Variants in FGFR3 observed in about 807,000 individuals in gnomAD.
The protein encoded by FGFR3 is FGFR-3.
FGFR3 carries 25 observed loss-of-function variants against 82.9 expected under a neutral mutation model. That is an observed-to-expected ratio of 0.30 (90% CI 0.22 to 0.42). FGFR3 has a LOEUF of 0.42. Ranked by LOEUF, FGFR3 falls within the 10% of genes least tolerant of loss-of-function variation. The pLI is 1.00. For missense variants in FGFR3, 1,026 were observed against 1,161.0 expected (o/e 0.88, Z 1.69); for synonymous variants, 620 against 516.0 (o/e 1.20, Z -2.73).
chr4:1,794,050 A>AGTC lies in FGFR3; in HGVS notation c.109+8_109+9insTCG. 7.2e-7 allele frequency: 1 copy of AGTC among 1,382,412 alleles called. No individual in the cohort carries two copies. Among genetic ancestry groups the AGTC allele is most frequent in the Non-Finnish European group, 9.5e-7 (1 of 1,052,478 alleles). The allele number at this position is 1,382,412 out of a possible 1,614,324, so 85.6% of individuals were successfully genotyped here. A position where few individuals can be genotyped will look rare whatever the true frequency, so the allele number is the denominator to read the frequency against. On this transcript the variant is annotated splice_region_variant and intron_variant, in intron 2 of 17. Coordinates refer to ENST00000440486, the MANE Select transcript of FGFR3 (RefSeq NM_000142.5). ...GTCGTGGGGCGAGCGGCAGGTAAGA[A>AGTC]GGGACCCACTAGGCACGGGAGAGGC... is the stretch of plus-strand genomic sequence containing the variant.
In FGFR3 at chr4:1,801,995, G is replaced by A. The variant is rs143723106; in HGVS notation, c.900G>A (p.Pro300=). Residue 300 remains proline, a synonymous_variant, in exon 7 of 18, where the codon CCG becomes CCA. Transcript: ENST00000440486. ...HVEVNGSKVG[P]DGTPYVTVLK... ...AGGTGAATGGCAGCAAGGTGGGCCC[G>A]GACGGCACACCCTACGTTACCGTGC... 23 of 1,612,464 alleles carry A rather than the reference G, an allele frequency of 1.4e-5. No individual in the cohort carries two copies. Among genetic ancestry groups the A allele is most frequent in the African/African-American group, 5.3e-5 (4 of 74,914 alleles).
chr4:1,805,333 G>T, intron 10 of FGFR3, 22 bp from the exon 11 acceptor site: 2 of 1,609,780 alleles, frequency 1.2e-6, no homozygotes, highest in South Asian at 1.1e-5. Context: ...CACACTCATG[G>T]TCCCTCTGCC....
In FGFR3 at chr4:1,807,782, C is replaced by T. The variant is rs144268232; in HGVS notation, c.*520C>T. On this transcript the variant is annotated 3_prime_UTR_variant, in exon 18 of 18. Coordinates refer to ENST00000440486, the MANE Select transcript of FGFR3 (RefSeq NM_000142.5). ...CAGGCTTTCCCACTTCCCACCCTGC[C>T]CCTCAGAGACTGAAATTACGGGTAC... 94 of 528,842 alleles carry T rather than the reference C, an allele frequency of 1.8e-4. 1 individual carries two copies. In the East Asian group the frequency reaches 2.8e-3, roughly 16 times the overall value. The allele number at this position is 528,842 out of a possible 1,614,324, so 32.8% of individuals were successfully genotyped here. A position where few individuals can be genotyped will look rare whatever the true frequency, so the allele number is the denominator to read the frequency against.
Position 1,808,258 on chromosome 4 carries a change from C to T in FGFR3, c.*996C>T, listed in dbSNP as rs1722219554. On this transcript the variant is annotated 3_prime_UTR_variant, in exon 18 of 18. Transcript: ENST00000440486. ...TAGAGGGACGGCCAAGAATGTACGTCCAGCCTGCCCCGGAGCTGGAGGATC... is the reference window on the plus strand; with the variant it reads ...TAGAGGGACGGCCAAGAATGTACGTTCAGCCTGCCCCGGAGCTGGAGGATC... 1 of 232,672 alleles carries T rather than the reference C, an allele frequency of 4.3e-6. No individual in the cohort carries two copies. Among genetic ancestry groups the T allele is most frequent in the Non-Finnish European group, 8.5e-6 (1 of 117,704 alleles). The allele number at this position is 232,672 out of a possible 1,614,324, so 14.4% of individuals were successfully genotyped here.
chr4:1,794,130 C>A, intron 2 of FGFR3, 87 bp downstream of exon 2: 2 of 723,228 alleles, frequency 2.8e-6, no homozygotes, highest in Non-Finnish European at 3.9e-6. Flanking sequence ...GTCGGAGGGG[C>A]CGCCGGGTGT....
Position 1,805,453 on chromosome 4 carries a change from C to T in FGFR3, c.1511C>T (p.Thr504Ile), listed in dbSNP as rs1319246268. Residue 504 changes from threonine (T) to isoleucine (I), a missense_variant, in exon 11 of 18, where the codon ACC (threonine) becomes ATC (isoleucine). Physicochemically the swap from Thr to Ile is moderately conservative, Grantham distance 89 (BLOSUM62 -1). Transcript: ENST00000440486. ...AAGGACCGGGCCGCCAAGCCTGTCA[C>T]CGTAGCCGTGAAGATGCTGAAAGGT... ...IDKDRAAKPV[T>I]VAVKMLKDDA... The T allele has an allele frequency of 1.9e-6, 3 of 1,612,116 alleles. 1 individual carries two copies. The highest frequency in any genetic ancestry group is 2.2e-5 in the South Asian group (2 of 91,030).
rs1416900035 is a variant in FGFR3, at chr4:1,805,495, G to T, written c.1534+19G>T. 3 of 1,612,088 alleles carry T rather than the reference G, an allele frequency of 1.9e-6. No homozygotes were observed. In the Admixed American group the frequency reaches 5.0e-5, roughly 27 times the overall value. On this transcript the variant is annotated intron_variant, in intron 11 of 17. Coordinates refer to ENST00000440486, the MANE Select transcript of FGFR3 (RefSeq NM_000142.5). Reference sequence around the variant, plus strand: ...CTGAAAGGTGAGGAGGGGGCGGCCAGGGGTGCAGAGCAGGGCTGGGGGCGC... The same window carrying T: ...CTGAAAGGTGAGGAGGGGGCGGCCATGGGTGCAGAGCAGGGCTGGGGGCGC...
At position 1,799,388 on chromosome 4, in the gene FGFR3, G is replaced by A. The variant is rs1365111379; in HGVS notation, c.244G>A (p.Val82Met). Residue 82 changes from valine to methionine, a missense_variant, in exon 3 of 18, where the codon GTG becomes ATG. By Grantham distance (21) the Val-to-Met change is conservative. This residue lies in a region of FGFR3 where 226 missense variants were observed against 222.0 expected (regional missense o/e 1.02). Coordinates refer to ENST00000440486, the MANE Select transcript of FGFR3 (RefSeq NM_000142.5). ...CTGGGTCAAGGATGGCACAGGGCTGGTGCCCTCGGAGCGTGTCCTGGTGGG... is the reference window on the plus strand; with the variant it reads ...CTGGGTCAAGGATGGCACAGGGCTGATGCCCTCGGAGCGTGTCCTGGTGGG... ...TVWVKDGTGLVPSERVLVGPQ... is the reference protein window; with the variant it reads ...TVWVKDGTGLMPSERVLVGPQ... 1 of 1,612,510 alleles carries A rather than the reference G, an allele frequency of 6.2e-7. No homozygotes were observed. Among genetic ancestry groups the A allele is most frequent in the South Asian group, 1.1e-5 (1 of 91,076 alleles).
rs1400035225 is a variant in FGFR3 at position 1,808,207 on chromosome 4, A to C, written c.*945A>C. ...GAGAGTTTTAATTTTTAACTTATTGACAACCGAGAAGGTTTATCCCGCCGA... is the reference window on the plus strand; with the variant it reads ...GAGAGTTTTAATTTTTAACTTATTGCCAACCGAGAAGGTTTATCCCGCCGA... On this transcript the variant is annotated 3_prime_UTR_variant, in exon 18 of 18. Coordinates refer to ENST00000440486, the MANE Select transcript of FGFR3 (RefSeq NM_000142.5). 2 of 232,700 alleles carry C rather than the reference A, an allele frequency of 8.6e-6. No homozygotes were observed. Among genetic ancestry groups the C allele is most frequent in the African/African-American group, 4.4e-5 (2 of 45,284 alleles). The allele number at this position is 232,700 out of a possible 1,614,324, so 14.4% of individuals were successfully genotyped here. A position where few individuals can be genotyped will look rare whatever the true frequency, so the allele number is the denominator to read the frequency against.
chr4:1,801,348 C>T lies in FGFR3; in HGVS notation c.446-19C>T. 1 of 1,548,048 alleles carries T rather than the reference C, an allele frequency of 6.5e-7. No homozygotes were observed. Among genetic ancestry groups the T allele is most frequent in the Non-Finnish European group, 8.7e-7 (1 of 1,148,962 alleles). On this transcript the variant is annotated intron_variant, in intron 4 of 17. Transcript: ENST00000440486. The stretch of plus-strand genomic sequence containing the variant: ...GCTCCCACTCGGGTCATGGCCTTCA[C>T]ACGCACCTCGGCCCGCAGGGGCCCC...
Position 1,807,232 on chromosome 4 carries a change from C to G in FGFR3, c.2391C>G (p.Ala797=), listed in dbSNP as rs1358238283. The change falls in exon 18 of 18, where the codon GCC becomes GCG. Residue 797 remains alanine, a synonymous_variant. Coordinates refer to ENST00000440486, the MANE Select transcript of FGFR3 (RefSeq NM_000142.5). The part of the protein sequence containing the change: ...SVFAHDLLPP[A]PPSSGGSRT The stretch of plus-strand genomic sequence containing the variant: ...TTGCCCACGACCTGCTGCCCCCGGC[C>G]CCACCCAGCAGTGGGGGCTCGCGGA... 6.2e-6 allele frequency: 10 copies of G among 1,607,924 alleles called. No individual in the cohort carries two copies. The highest frequency in any genetic ancestry group is 8.5e-6 in the Non-Finnish European group (10 of 1,178,264).
In FGFR3 at chr4:1,805,429, A is replaced by G; in HGVS notation, c.1487A>G (p.Lys496Arg). 1 of 1,612,024 alleles carries G rather than the reference A, an allele frequency of 6.2e-7. No individual in the cohort carries two copies. Among genetic ancestry groups the G allele is most frequent in the South Asian group, 1.1e-5 (1 of 91,028 alleles). The change falls in exon 11 of 18, where the codon AAG (lysine) becomes AGG (arginine). Residue 496 changes from lysine (K) to arginine (R), a missense_variant. Lys to Arg is a conservative substitution (Grantham distance 26, BLOSUM62 2). This residue lies in a region of FGFR3 where 164 missense variants were observed against 167.5 expected (regional missense o/e 0.98). Transcript: ENST00000440486. ...ATGGCGGAGGCCATCGGCATTGACA[A>G]GGACCGGGCCGCCAAGCCTGTCACC... is the stretch of plus-strand genomic sequence containing the variant. ...VVMAEAIGID[K>R]DRAAKPVTVA... is the part of the protein sequence containing the mutation.
rs587778776 is a variant in FGFR3, at chr4:1,804,396, T to G, written c.1142T>G (p.Val381Gly). The G allele has an allele frequency of 1.9e-6, 3 of 1,612,302 alleles. No homozygotes were observed. In the Admixed American group the frequency reaches 5.0e-5, roughly 27 times the overall value. Residue 381 changes from valine (V) to glycine (G), a missense_variant, in exon 9 of 18, where the codon GTG becomes GGG. Physicochemically the swap from Val to Gly is moderately radical, Grantham distance 109. This residue lies in a region of FGFR3 where 256 missense variants were observed against 217.6 expected (regional missense o/e 1.18). Transcript: ENST00000440486. ...SVYAGILSYG[V>G]GFFLFILVVA... ...TATGCAGGCATCCTCAGCTACGGGG[T>G]GGGCTTCTTCCTGTTCATCCTGGTG...
chr4:1,805,920 G>C lies in FGFR3; in HGVS notation c.1816G>C (p.Glu606Gln). 1.9e-6 allele frequency: 3 copies of C among 1,610,896 alleles called. No individual in the cohort carries two copies. Among genetic ancestry groups the C allele is most frequent in the Non-Finnish European group, 2.5e-6 (3 of 1,178,302 alleles). ...TGCCTACCAGGTGGCCCGGGGCATG[G>C]AGTACTTGGCCTCCCAGAAGGTGGG... ...SCAYQVARGM[E>Q]YLASQKCIHR... The change falls in exon 13 of 18, where the codon GAG (glutamate) becomes CAG (glutamine). Residue 606 changes from glutamate to glutamine, a missense_variant. Transcript: ENST00000440486.
chr4:1,797,558 C>T (rs1365977823), intron 2 of FGFR3, among the ~76,000 whole-genome samples: 3 of 152,234 alleles, frequency 2.0e-5, no homozygotes, highest in African/African-American at 7.2e-5. Context: ...CAAACCGGAA[C>T]CAACCGGCTG....
chr4:1,794,072 A>G (rs2108752543), intron 2 of FGFR3, 29 bp downstream of exon 2: 3 of 1,281,248 alleles, frequency 2.3e-6, no homozygotes, highest in Non-Finnish European at 3.1e-6. Flanking sequence ...GGCACGGGAG[A>G]GGCCGGCCCG....
intron 2 of FGFR3, among the ~76,000 whole-genome samples, chr4:1,797,343 C>T (rs895179382): frequency 2.0e-5 from 3 of 152,192 alleles, no homozygotes; most frequent in African/African-American, 7.2e-5. Context: ...GCCACCCAGC[C>T]CCTGCTGGGG....
Position 1,807,733 on chromosome 4 carries a change from T to C in FGFR3, c.*471T>C. The C allele has an allele frequency of 1.7e-6, 1 of 598,520 alleles. No individual in the cohort carries two copies. The highest frequency in any genetic ancestry group is 3.2e-6 in the Non-Finnish European group (1 of 309,212). The allele number at this position is 598,520 out of a possible 1,614,324, so 37.1% of individuals were successfully genotyped here. A position where few individuals can be genotyped will look rare whatever the true frequency, so the allele number is the denominator to read the frequency against. ...TGTCCAGCACCTTGTGCCTGGGGTG[T>C]TAGTGGCACCGCCTCCCCACCTCCA... On this transcript the variant is annotated 3_prime_UTR_variant, in exon 18 of 18. Transcript: ENST00000440486.
chr4:1,804,843 C>G lies in FGFR3; in HGVS notation c.1286C>G (p.Ala429Gly). 6.5e-7 allele frequency: 1 copy of G among 1,549,982 alleles called. No individual in the cohort carries two copies. Among genetic ancestry groups the G allele is most frequent in the Non-Finnish European group, 8.7e-7 (1 of 1,146,932 alleles). Residue 429 changes from alanine (A) to glycine (G), a missense_variant, in exon 10 of 18, where the codon GCG becomes GGG. Coordinates refer to ENST00000440486, the MANE Select transcript of FGFR3 (RefSeq NM_000142.5). ...AAGCAGGTGTCCCTGGAGTCCAACG[C>G]GTCCATGAGCTCCAACACACCACTG... ...LKRQVSLESN[A>G]SMSSNTPLVR...
Sources: gnomAD v4.1 joint callset for allele counts (sites outside exome capture counted in the v4.1 genomes callset) on GRCh38, gnomAD v4.1.1 for gene constraint, gnomAD v4.1.1 regional missense constraint, MANE v1.5 for transcripts, NCBI Gene and HGNC (gene_info 2026-07-23, HGNC 2026-07-21) for gene names.